Variants in BACH2 observed in about 807,000 individuals in gnomAD.
BACH2 encodes the protein transcription regulator protein BACH2.
Under a neutral mutation model 61.8 loss-of-function variants are expected in BACH2, and 5 were observed. The ratio of observed to expected loss-of-function variants is 0.08; its 90% CI spans 0.04 to 0.17. BACH2 has a LOEUF of 0.17. BACH2 is among the 10% of genes least tolerant of loss of function. BACH2 has a pLI of 1.00. For synonymous variants in BACH2, 446 were observed against 440.1 expected (o/e 1.01, Z -0.17); for missense variants, 824 against 1,091.1 (o/e 0.76, Z 3.45).
At chr6:90,075,751 T>C (rs1228675497) in intron 5 of BACH2, among the ~76,000 whole-genome samples, 1 of 152,172 alleles carries the variant, frequency 6.6e-6, no homozygotes, top group Non-Finnish European at 1.5e-5. Flanking sequence ...CTTCTCAGGT[T>C]TCTTTCACCA....
At chr6:90,186,067 C>A (rs761089031) in intron 4 of BACH2, among the ~76,000 whole-genome samples, 4 of 152,114 alleles carry the variant, frequency 2.6e-5, no homozygotes, top group Non-Finnish European at 5.9e-5. Context: ...GATCCTCTAC[C>A]ATATTTAAAG....
At chr6:89,983,790 T>C (rs888597150) in intron 6 of BACH2, among the ~76,000 whole-genome samples, 1 of 152,348 alleles carries the variant, frequency 6.6e-6, no homozygotes, top group Non-Finnish European at 1.5e-5. Flanking sequence ...TTAGCGGTAT[T>C]GAAACATGTA....
intron 5 of BACH2, among the ~76,000 whole-genome samples, chr6:90,021,408 T>A (rs1254214732): frequency 2.6e-5 from 4 of 150,974 alleles, no homozygotes; most frequent in African/African-American, 9.7e-5. Flanking sequence ...ATGTCTAGAG[T>A]GCTTCAGATG....
chr6:90,242,486 A>G (rs1421529111), intron 3 of BACH2, among the ~76,000 whole-genome samples: 1 of 152,190 alleles, frequency 6.6e-6, no homozygotes, highest in Non-Finnish European at 1.5e-5. Context: ...AATTCATCTA[A>G]TGAAGGATCC....
Position 89,950,383 on chromosome 6 carries a change from C to T in BACH2, c.1723G>A (p.Val575Met), listed in dbSNP as rs934177526. 6.2e-7 allele frequency: 1 copy of T among 1,614,136 alleles called. No homozygotes were observed. The highest frequency in any genetic ancestry group is 8.5e-7 in the Non-Finnish European group (1 of 1,180,046). Residue 575 changes from valine to methionine, a missense_variant, in exon 7 of 9, where the codon GTG becomes ATG. By Grantham distance (21) the Val-to-Met change is conservative. Coordinates refer to ENST00000257749, the MANE Select transcript of BACH2 (RefSeq NM_021813.4). This position sits in a 1 kb window ranked among gnomAD's most constrained non-coding sequence, Gnocchi z 5.3. ...TGCTCACATTTAATTTGGGGCCGCA[C>T]TTGGTTGTACATTCCATCTCCCATC... ...GLMGDGMYNQ[V>M]RPQIKCEQSY...
At chr6:89,983,830 G>T (rs540711045) in intron 6 of BACH2, among the ~76,000 whole-genome samples, 8 of 152,304 alleles carry the variant, frequency 5.3e-5, no homozygotes, top group Admixed American at 2.6e-4. Flanking sequence ...ACATATTCTA[G>T]CAGGAGTGGG....
At chr6:90,185,762 G>A (rs995641584) in intron 4 of BACH2, among the ~76,000 whole-genome samples, 4 of 152,136 alleles carry the variant, frequency 2.6e-5, no homozygotes, top group Non-Finnish European at 4.4e-5. Context: ...TGGTCTTCAC[G>A]TCTACACACA....
At chr6:90,204,652 G>A (rs895640043) in intron 4 of BACH2, among the ~76,000 whole-genome samples, 4 of 152,134 alleles carry the variant, frequency 2.6e-5, no homozygotes, top group Non-Finnish European at 4.4e-5. Context: ...GAGAAACTTA[G>A]GGCGGAGCTG....
intron 3 of BACH2, among the ~76,000 whole-genome samples, chr6:90,233,533 G>C (rs369787166): frequency 6.6e-6 from 1 of 152,138 alleles, no homozygotes; most frequent in East Asian, 1.9e-4. Context: ...CCCTGGACAA[G>C]GTATCAAACT....
Position 90,055,241 on chromosome 6 carries a change from C to T in BACH2, c.-13+33720G>A, listed in dbSNP as rs554765292. ...AAGCTTTGAAAAAAAATTAGACGAA[C>T]GGATAACTAGAATAATCAATGCAGA... On this transcript the variant is annotated intron_variant, in intron 5 of 8. Coordinates refer to ENST00000257749, the MANE Select transcript of BACH2 (RefSeq NM_021813.4). Among the ~76,000 whole-genome samples the T allele has an allele frequency of 4.5e-3, 689 of 152,076 alleles. 7 individuals carry two copies. The highest frequency in any genetic ancestry group is 6.4e-3 in the Non-Finnish European group (434 of 67,994).
rs1055403 is a variant in BACH2, at chr6:89,929,244, G to A, written c.*3164C>T. 0.15 allele frequency: 22,247 copies of A among 152,294 alleles called. 1,848 individuals are homozygous for A. The highest frequency in any genetic ancestry group is 0.26 in the South Asian group (1,230 of 4,820). 9.4% of individuals were successfully genotyped at this position (152,294 alleles called of 1,614,324 possible). ...GCCTTAAGAACAACCAAATGTTACT[G>A]TACTGTGCAAACACTCTTCCTTGCT... On this transcript the variant is annotated 3_prime_UTR_variant, in exon 9 of 9. Transcript: ENST00000257749.
intron 5 of BACH2, among the ~76,000 whole-genome samples, chr6:90,087,384 C>T (rs895247173): frequency 1.3e-5 from 2 of 152,104 alleles, no homozygotes; most frequent in Non-Finnish European, 2.9e-5. Flanking sequence ...ACACTCACAT[C>T]GACTCAATGA....
chr6:90,283,886 T>A (rs1450681005), intron 1 of BACH2, among the ~76,000 whole-genome samples: 1 of 151,998 alleles, frequency 6.6e-6, no homozygotes, highest in African/African-American at 2.4e-5. Context: ...CATGTGCCTG[T>A]AGTCCAGCTA....
At chr6:90,144,656 G>A (rs1040542591) in intron 4 of BACH2, among the ~76,000 whole-genome samples, 1 of 152,242 alleles carries the variant, frequency 6.6e-6, no homozygotes, top group African/African-American at 2.4e-5. Flanking sequence ...GACTGGGTGA[G>A]TAAGCCCCAC....
At chr6:90,037,017 A>C (rs1358212608) in intron 5 of BACH2, among the ~76,000 whole-genome samples, 5 of 152,204 alleles carry the variant, frequency 3.3e-5, no homozygotes, top group Non-Finnish European at 5.9e-5. Flanking sequence ...ACCTAAAACG[A>C]GACACACACT....
At chr6:89,994,255 T>C (rs1776731218) in intron 6 of BACH2, among the ~76,000 whole-genome samples, 1 of 152,212 alleles carries the variant, frequency 6.6e-6, no homozygotes, top group Non-Finnish European at 1.5e-5. Flanking sequence ...AGAATTTCCT[T>C]GTCTGTCAGA....
At chr6:90,189,506 G>T (rs1272012618) in intron 4 of BACH2, among the ~76,000 whole-genome samples, 2 of 151,772 alleles carry the variant, frequency 1.3e-5, no homozygotes, top group Non-Finnish European at 2.9e-5. Context: ...TACTCGGGAG[G>T]CTGAGGCAGG....
intron 5 of BACH2, among the ~76,000 whole-genome samples, chr6:90,062,496 T>C (rs1780735747): frequency 6.6e-6 from 1 of 152,188 alleles, no homozygotes; most frequent in Non-Finnish European, 1.5e-5. Context: ...GACACCTCAC[T>C]ATCCCTTGGG....
chr6:90,036,790 C>T (rs894669903), intron 5 of BACH2, among the ~76,000 whole-genome samples: 2 of 152,062 alleles, frequency 1.3e-5, no homozygotes, highest in Non-Finnish European at 2.9e-5. Flanking sequence ...TTGACAAATA[C>T]ATATACCCAT....
Sources: allele counts gnomAD v4.1 joint callset (sites outside exome capture counted in the v4.1 genomes callset), GRCh38; gene constraint gnomAD v4.1.1; non-coding constraint Gnocchi (gnomAD v3.1); transcripts MANE v1.5; gene names NCBI Gene and HGNC (gene_info 2026-07-23, HGNC 2026-07-21).